Variants in DCC observed in about 807,000 individuals in gnomAD.
DCC encodes the protein netrin receptor DCC.
Under a neutral mutation model 172.5 loss-of-function variants are expected in DCC, and 58 were observed. The ratio of observed to expected loss-of-function variants is 0.34; its 90% CI spans 0.27 to 0.42. DCC has a LOEUF of 0.42. Ranked by LOEUF, DCC falls within the 10% of genes least tolerant of loss-of-function variation. The pLI, the probability that DCC is intolerant of heterozygous loss-of-function variation, is 1.00. For synonymous variants in DCC, 709 were observed against 644.5 expected (o/e 1.10, Z -1.52); for missense variants, 1,740 against 1,791.0 (o/e 0.97, Z 0.51).
chr18:53,111,137 G>A (rs2043324118), intron 7 of DCC, among the ~76,000 whole-genome samples: 2 of 150,366 alleles, frequency 1.3e-5, no homozygotes, highest in South Asian at 4.2e-4. Context: ...TTGTCAGTAA[G>A]CTATCGCAAG....
At chr18:53,099,451 A>G (rs1263226871) in intron 7 of DCC, among the ~76,000 whole-genome samples, 1 of 152,136 alleles carries the variant, frequency 6.6e-6, no homozygotes, top group Non-Finnish European at 1.5e-5. Flanking sequence ...ACAAAGCTCT[A>G]AATGATGCAA....
intron 1 of DCC, among the ~76,000 whole-genome samples, chr18:52,579,439 G>A (rs555861772): frequency 6.6e-6 from 1 of 152,256 alleles, no homozygotes; most frequent in South Asian, 2.1e-4. Flanking sequence ...TATGCAATAG[G>A]GCAAAGACTA....
intron 2 of DCC, among the ~76,000 whole-genome samples, chr18:52,781,870 G>GC (rs1555660977): frequency 6.6e-6 from 1 of 151,672 alleles, no homozygotes; most frequent in Non-Finnish European, 1.5e-5. Flanking sequence ...ATATTACTTT[G>GC]TTTTTTTTAT....
At chr18:52,563,721 T>C (rs1008470412) in intron 1 of DCC, among the ~76,000 whole-genome samples, 2 of 152,188 alleles carry the variant, frequency 1.3e-5, no homozygotes, top group Non-Finnish European at 2.9e-5. Flanking sequence ...GATTTTTCCC[T>C]GGAACTATAT....
chr18:52,906,420 A>T, intron 3 of DCC, 92 bp downstream of exon 3: 2 of 1,327,268 alleles, frequency 1.5e-6, no homozygotes, highest in Non-Finnish European at 2.1e-6. Context: ...TGTAATTGTT[A>T]TAAGTTCTGT....
intron 3 of DCC, among the ~76,000 whole-genome samples, chr18:52,915,651 T>C (rs912422915): frequency 6.6e-6 from 1 of 152,160 alleles, no homozygotes; most frequent in Admixed American, 6.5e-5. Flanking sequence ...ATTTGACTTT[T>C]AACAAATTAT....
intron 2 of DCC, chr18:52,892,268 A>G (rs903628328): frequency 2.6e-5 from 4 of 152,116 alleles, no homozygotes; most frequent in African/African-American, 9.7e-5. Flanking sequence ...AAGTACCCTG[A>G]CACTTGAGGT....
chr18:52,875,781 C>T (rs73458906), intron 2 of DCC, among the ~76,000 whole-genome samples: 7,190 of 152,240 alleles, frequency 0.047, 235 homozygotes, highest in South Asian at 0.14. Flanking sequence ...TCAGAGCTGA[C>T]GGCACTATCT....
intron 27 of DCC, among the ~76,000 whole-genome samples, chr18:53,502,969 C>A (rs953155486): frequency 6.6e-6 from 1 of 151,874 alleles, no homozygotes; most frequent in Non-Finnish European, 1.5e-5. Context: ...GGTATTAAGC[C>A]CTGCATGCAT....
At chr18:53,511,347 T>C (rs1468049296) in intron 27 of DCC, among the ~76,000 whole-genome samples, 1 of 152,244 alleles carries the variant, frequency 6.6e-6, no homozygotes, top group East Asian at 1.9e-4. Flanking sequence ...CTGCTAGCTG[T>C]AAACTGAAAC....
chr18:53,250,625 C>T lies in DCC; in HGVS notation c.1911+35028C>T, dbSNP rs990621893. 3.4e-5 allele frequency among the ~76,000 whole-genome samples: 2 copies of T among 59,308 alleles called. 1 individual carries two copies. The highest frequency in any genetic ancestry group is 7.4e-5 in the Non-Finnish European group (2 of 26,908). 38.9% of individuals were successfully genotyped at this position (59,308 alleles called of 152,430 possible). A position where few individuals can be genotyped will look rare whatever the true frequency, so the allele number is the denominator to read the frequency against. ...CTAGTGTCCTTCCTCTCCTGTGTTC[C>T]ATCTCCTACAGATTTCTCAGGGGTC... On this transcript the variant is annotated intron_variant, in intron 12 of 28. Transcript: ENST00000442544.
At chr18:53,354,695 C>A (rs2057856223) in intron 15 of DCC, among the ~76,000 whole-genome samples, 1 of 151,512 alleles carries the variant, frequency 6.6e-6, no homozygotes, top group Non-Finnish European at 1.5e-5. Context: ...AAATTTTCTC[C>A]CATTCTGTAG....
intron 24 of DCC, among the ~76,000 whole-genome samples, chr18:53,467,209 A>T (rs2045632844): frequency 6.6e-6 from 1 of 152,082 alleles, no homozygotes; most frequent in South Asian, 2.1e-4. Context: ...TGTGTGTCAC[A>T]ATATGGTTTT....
At chr18:52,581,210 A>ATCTATCTATCTATCTATCTAC (rs2033543078) in intron 1 of DCC, among the ~76,000 whole-genome samples, 1 of 3,756 alleles carries the variant, frequency 2.7e-4, no homozygotes, top group Non-Finnish European at 6.4e-4. Context: ...TATCTATCTA[A>ATCTATCTATCTATCTATCTAC]ATTTGTAGTT....
intron 12 of DCC, among the ~76,000 whole-genome samples, chr18:53,264,496 A>G (rs1054773445): frequency 6.7e-6 from 1 of 149,542 alleles, no homozygotes; most frequent in Non-Finnish European, 1.5e-5. Context: ...AAAAAAAAAA[A>G]GAAGAAGAAG....
At chr18:53,226,814 C>A (rs1267584360) in intron 12 of DCC, among the ~76,000 whole-genome samples, 1 of 150,740 alleles carries the variant, frequency 6.6e-6, no homozygotes, top group Non-Finnish European at 1.5e-5. Context: ...TAAAACTGAG[C>A]ATACATTTTA....
chr18:52,655,987 TATATATATATGTGC>T, intron 1 of DCC, among the ~76,000 whole-genome samples: 6 of 124,596 alleles, frequency 4.8e-5, no homozygotes, highest in African/African-American at 1.9e-4. Context: ...TGTGTGTGTG[TATATATATATGTGC>T]GTATATATAT....
rs568826870 is a variant in DCC at position 53,100,645 on chromosome 18, G to A, written c.1261+34479G>A. Among the ~76,000 whole-genome samples the A allele has an allele frequency of 2.0e-5, 3 of 151,904 alleles. No homozygotes were observed. In the South Asian group the frequency reaches 6.3e-4, roughly 32 times the overall value. The stretch of plus-strand genomic sequence containing the variant: ...GGTGGGGAAGAAAGGAGAAAGGGAA[G>A]AAAGAAAGGGAAAGCCGGAGGGAGG... On this transcript the variant is annotated intron_variant, in intron 7 of 28. Coordinates refer to ENST00000442544, the MANE Select transcript of DCC (RefSeq NM_005215.4).
At position 52,906,023 on chromosome 18, in the gene DCC, CCTT is replaced by C. The variant is rs763794662; in HGVS notation, c.413-17_413-15del. 126 of 1,528,264 alleles carry C rather than the reference CCTT, an allele frequency of 8.2e-5. No homozygotes were observed. The highest frequency in any genetic ancestry group is 3.4e-4 in the Middle Eastern group (2 of 5,866). 94.7% of individuals were successfully genotyped at this position (1,528,264 alleles called of 1,614,324 possible). A position where few individuals can be genotyped will look rare whatever the true frequency, so the allele number is the denominator to read the frequency against. On this transcript the variant is annotated intron_variant, in intron 2 of 28. Transcript: ENST00000442544. ...TGCTTTATTTGGAAGACTTATTCTT[CCTT>C]CTTTGTTTTTCTCCTAGGACCACTG...
Sources: gnomAD v4.1 joint callset for allele counts (sites outside exome capture counted in the v4.1 genomes callset) on GRCh38, gnomAD v4.1.1 for gene constraint, MANE v1.5 for transcripts, NCBI Gene and HGNC (gene_info 2026-07-23, HGNC 2026-07-21) for gene names.